LINGO1: variants seen among roughly 807,000 people sequenced by gnomAD.
The protein encoded by LINGO1 is leucine rich repeat and Ig domain containing 1.
LINGO1 carries 11 observed loss-of-function variants against 37.3 expected under a neutral mutation model. The ratio of observed to expected loss-of-function variants is 0.29; its 90% CI spans 0.19 to 0.49. The LOEUF (loss-of-function observed/expected upper bound fraction) is 0.49. LINGO1 is among the 20% of genes least tolerant of loss of function. The probability of loss-of-function intolerance (pLI) is 0.99; values close to 1 mark genes in which losing one functional copy is unlikely to be tolerated. For synonymous variants in LINGO1, 387 were observed against 403.0 expected, an observed-to-expected ratio of 0.96 and a Z score of 0.48; for missense variants, 585 against 878.2, an observed-to-expected ratio of 0.67 and a Z score of 4.22.
chr15:77,736,549 GC>G (rs2076205811), intron 1 of LINGO1, among the ~76,000 whole-genome samples: 1 of 152,188 alleles, frequency 6.6e-6, no homozygotes. Flanking sequence ...GATCGCTTGA[GC>G]CCAGGAGTTC....
At chr15:77,746,665 G>A (rs1156376673) in intron 1 of LINGO1, among the ~76,000 whole-genome samples, 1 of 152,194 alleles carries the variant, frequency 6.6e-6, no homozygotes, top group Non-Finnish European at 1.5e-5. Flanking sequence ...TATCCTACAG[G>A]AGGCTCAGGC....
rs1390213394 is a variant in LINGO1, at chr15:77,719,557, C to T, written c.-195+15435G>A. On this transcript the variant is annotated intron_variant, in intron 2 of 3. Coordinates refer to the LINGO1 transcript ENST00000561686. Reference sequence around the variant, plus strand: ...CCACCACGCAGCACTCGGCTCCTGCCGGCATATGCTTGCTGGGCCTCTGAC... The same window carrying T: ...CCACCACGCAGCACTCGGCTCCTGCTGGCATATGCTTGCTGGGCCTCTGAC... Among the ~76,000 whole-genome samples the T allele has an allele frequency of 2.0e-5, 3 of 149,458 alleles. 1 individual carries two copies. Among genetic ancestry groups the T allele is most frequent in the East Asian group, 4.4e-4 (2 of 4,592 alleles).
intron 2 of LINGO1, among the ~76,000 whole-genome samples, chr15:77,685,935 C>A (rs2075502166): frequency 6.6e-6 from 1 of 152,192 alleles, no homozygotes; most frequent in Non-Finnish European, 1.5e-5. Flanking sequence ...GGCAGAGCCC[C>A]ACGATCCTGA....
intron 1 of LINGO1, among the ~76,000 whole-genome samples, chr15:77,745,462 AC>A (rs1357818936): frequency 2.7e-5 from 4 of 150,812 alleles, no homozygotes; most frequent in Non-Finnish European, 4.4e-5. Flanking sequence ...CCCAGCAGAG[AC>A]CCTTAGCACC....
At chr15:77,810,493 G>A (rs1462971872) in intron 1 of LINGO1, among the ~76,000 whole-genome samples, 2 of 152,178 alleles carry the variant, frequency 1.3e-5, no homozygotes, top group Non-Finnish European at 2.9e-5. Flanking sequence ...CTGTACCCAG[G>A]GGAGCACTAG....
chr15:77,641,078 G>A (rs2074495023), intron 3 of LINGO1, among the ~76,000 whole-genome samples: 1 of 152,184 alleles, frequency 6.6e-6, no homozygotes, highest in Non-Finnish European at 1.5e-5. Flanking sequence ...GGTAGAGGCT[G>A]GTGCTCCAGG....
intron 1 of LINGO1, among the ~76,000 whole-genome samples, chr15:77,751,309 C>T (rs79713361): frequency 0.011 from 1,616 of 152,328 alleles, 24 homozygotes; most frequent in African/African-American, 0.036. Context: ...GTGCCTGGCA[C>T]ATGGTAAGTC....
chr15:77,702,409 G>A (rs867212134), intron 2 of LINGO1, among the ~76,000 whole-genome samples: 9 of 152,120 alleles, frequency 5.9e-5, no homozygotes, highest in South Asian at 2.1e-4. Flanking sequence ...TCATGTGCCT[G>A]GGGTCAGGTA....
chr15:77,692,796 G>A (rs533696887), intron 1 of LINGO1, among the ~76,000 whole-genome samples: 86 of 152,340 alleles, frequency 5.6e-4, no homozygotes, highest in African/African-American at 2.0e-3. Context: ...CAGTGCTCCA[G>A]CCGCCAGCAA....
chr15:77,770,009 G>C (rs62007822), intron 1 of LINGO1, among the ~76,000 whole-genome samples: 27,424 of 152,040 alleles, frequency 0.18, 2,807 homozygotes, highest in Middle Eastern at 0.24. Context: ...TGCTGTCCTG[G>C]GGAGCTCTTC....
At chr15:77,782,825 T>C (rs987911641) in intron 1 of LINGO1, among the ~76,000 whole-genome samples, 1 of 151,786 alleles carries the variant, frequency 6.6e-6, no homozygotes, top group Non-Finnish European at 1.5e-5. Flanking sequence ...CTCTAATCCA[T>C]TCTCTCCACC....
intron 1 of LINGO1, among the ~76,000 whole-genome samples, chr15:77,695,173 G>T (rs1249850607): frequency 6.6e-6 from 1 of 152,180 alleles, no homozygotes; most frequent in Non-Finnish European, 1.5e-5. Context: ...GCTGGAGCCA[G>T]AATTTGAACC....
intron 1 of LINGO1, among the ~76,000 whole-genome samples, chr15:77,620,976 A>T (rs11856998): frequency 6.6e-6 from 1 of 152,096 alleles, no homozygotes; most frequent in South Asian, 2.1e-4. Flanking sequence ...CATCCTCTAC[A>T]GGCTCATCCA....
intron 3 of LINGO1, among the ~76,000 whole-genome samples, chr15:77,660,573 G>A (rs1294839213): frequency 6.6e-6 from 1 of 152,232 alleles, no homozygotes; most frequent in Non-Finnish European, 1.5e-5. Flanking sequence ...AGCCCTGGAG[G>A]AGGGAGAAGT....
rs75464740 is a variant in LINGO1, at chr15:77,672,715, C to G, written c.-13+4374G>C. On this transcript the variant is annotated intron_variant, in intron 3 of 3. Transcript: ENST00000559893. Reference sequence around the variant, plus strand: ...CATCTGCAAATGGTGAGACAGAACGCCGACCCTGAAGAATTGCAGTGCAGG... The same window carrying G: ...CATCTGCAAATGGTGAGACAGAACGGCGACCCTGAAGAATTGCAGTGCAGG... 5.1e-3 allele frequency among the ~76,000 whole-genome samples: 777 copies of G among 152,314 alleles called. 7 individuals carry two copies. The highest frequency in any genetic ancestry group is 0.018 in the African/African-American group (748 of 41,566).
chr15:77,761,147 G>A (rs2076473216), intron 1 of LINGO1, among the ~76,000 whole-genome samples: 1 of 151,238 alleles, frequency 6.6e-6, no homozygotes, highest in African/African-American at 2.4e-5. Flanking sequence ...TGCTGCCCAA[G>A]CTGGTCTCGA....
intron 2 of LINGO1, among the ~76,000 whole-genome samples, chr15:77,716,946 T>C (rs2075991738): frequency 6.7e-6 from 1 of 150,360 alleles, no homozygotes; most frequent in South Asian, 2.2e-4. Context: ...TTTCCCTTAT[T>C]CTCACTTGCA....
At chr15:77,772,663 C>T (rs935894352) in intron 1 of LINGO1, among the ~76,000 whole-genome samples, 5 of 151,330 alleles carry the variant, frequency 3.3e-5, no homozygotes, top group African/African-American at 1.2e-4. Flanking sequence ...ATAAATTGTC[C>T]TTCTCAGCTG....
chr15:77,720,251 A>G (rs1421876683), intron 2 of LINGO1, among the ~76,000 whole-genome samples: 1 of 152,232 alleles, frequency 6.6e-6, no homozygotes, highest in African/African-American at 2.4e-5. Context: ...GTCCAGAGGA[A>G]ATAAACAGCA....
Sources: allele counts gnomAD v4.1 joint callset (sites outside exome capture counted in the v4.1 genomes callset), GRCh38; gene constraint gnomAD v4.1.1; transcripts MANE v1.5; gene names NCBI Gene and HGNC (gene_info 2026-07-23, HGNC 2026-07-21).